CCDC171: variants seen among roughly 807,000 people sequenced by gnomAD.
CCDC171 encodes coiled-coil domain-containing protein 171.
Under a neutral mutation model 168.2 loss-of-function variants are expected in CCDC171, and 177 were observed. The ratio of observed to expected loss-of-function variants is 1.05; its 90% CI spans 0.93 to 1.19. The LOEUF (loss-of-function observed/expected upper bound fraction) is 1.19. Ranked by LOEUF, CCDC171 falls within the 50% of genes most tolerant of loss-of-function variation. The pLI, the probability that CCDC171 is intolerant of heterozygous loss-of-function variation, is 0.00. For missense variants in CCDC171, 1,991 were observed against 1,539.0 expected (o/e 1.29, Z -4.91); for synonymous variants, 687 against 540.8 (o/e 1.27, Z -3.75).
At chr9:15,805,386 A>G (rs1224633373) in intron 21 of CCDC171, among the ~76,000 whole-genome samples, 7 of 152,180 alleles carry the variant, frequency 4.6e-5, no homozygotes, top group Admixed American at 4.6e-4. Flanking sequence ...ATTTAGTGCC[A>G]TAAACTTCCC....
chr9:15,987,205 A>C (rs1223493346), intron 3 of CCDC171, among the ~76,000 whole-genome samples: 4 of 152,214 alleles, frequency 2.6e-5, no homozygotes. Context: ...GATGATGAAC[A>C]AAGTAGAGAA....
At chr9:15,823,775 A>T (rs907121060) in intron 21 of CCDC171, among the ~76,000 whole-genome samples, 1 of 152,112 alleles carries the variant, frequency 6.6e-6, no homozygotes, top group Non-Finnish European at 1.5e-5. Flanking sequence ...TTTGTATTTT[A>T]TATTGAAAAA....
At chr9:15,865,141 G>A (rs1447545191) in intron 23 of CCDC171, among the ~76,000 whole-genome samples, 1 of 151,920 alleles carries the variant, frequency 6.6e-6, no homozygotes, top group Non-Finnish European at 1.5e-5. Flanking sequence ...AAATGACACT[G>A]GAACAATATT....
chr9:16,082,060 G>C, the CCDC171 span, among the ~76,000 whole-genome samples: 1 of 152,072 alleles, frequency 6.6e-6, no homozygotes, highest in Admixed American at 6.5e-5. Context: ...ACCTGCTCTT[G>C]ATTTTGTAAA....
chr9:15,554,458 CTT>C (rs1270713635), intron 1 of CCDC171, among the ~76,000 whole-genome samples: 2 of 152,150 alleles, frequency 1.3e-5, no homozygotes, highest in Non-Finnish European at 2.9e-5. Context: ...AGGGCATAGT[CTT>C]AGTTTGTAGC....
intron 1 of CCDC171, among the ~76,000 whole-genome samples, chr9:16,059,386 G>T: frequency 6.6e-6 from 1 of 152,036 alleles, no homozygotes; most frequent in East Asian, 1.9e-4. Flanking sequence ...GAGAATATGC[G>T]TCCGGTGTCC....
At chr9:15,638,854 T>C (rs1484979791) in intron 7 of CCDC171, among the ~76,000 whole-genome samples, 4 of 151,964 alleles carry the variant, frequency 2.6e-5, no homozygotes, top group Non-Finnish European at 5.9e-5. Flanking sequence ...AAAAGAAATA[T>C]CCATGGCTTT....
In CCDC171 at chr9:15,578,976, C is replaced by T. The variant is rs746141615; in HGVS notation, c.305C>T (p.Ala102Val). ...RKEAGLGRRA[A>V]EERLAEAHRI... The stretch of plus-strand genomic sequence containing the variant: ...GAAGCTGGTCTTGGAAGACGGGCTG[C>T]TGAAGAAAGATTAGCCGAGGCACAT... The change falls in exon 4 of 26, where the codon GCT becomes GTT. Residue 102 changes from alanine (A) to valine (V), a missense_variant. Ala to Val is a moderately conservative substitution (Grantham distance 64). Transcript: ENST00000380701. The T allele has an allele frequency of 6.2e-7, 1 of 1,613,926 alleles. No homozygotes were observed. Among genetic ancestry groups the T allele is most frequent in the Admixed American group, 1.7e-5 (1 of 59,998 alleles).
At chr9:15,999,619 T>G (rs1224272199) in intron 3 of CCDC171, among the ~76,000 whole-genome samples, 1 of 152,202 alleles carries the variant, frequency 6.6e-6, no homozygotes, top group Non-Finnish European at 1.5e-5. Context: ...CCAGAAAGCA[T>G]CCAGCTGTTG....
intron 11 of CCDC171, among the ~76,000 whole-genome samples, chr9:15,712,280 G>T (rs1189046375): frequency 2.0e-5 from 3 of 152,198 alleles, no homozygotes; most frequent in Non-Finnish European, 4.4e-5. Flanking sequence ...CAATGACCCA[G>T]TCAGGCTGAT....
At chr9:15,650,379 C>G (rs901973157) in intron 7 of CCDC171, among the ~76,000 whole-genome samples, 14 of 151,838 alleles carry the variant, frequency 9.2e-5, no homozygotes, top group African/African-American at 3.1e-4. Context: ...GCATATGTAC[C>G]CTAGAACTTA....
At chr9:15,577,846 A>G (rs186666484) in intron 3 of CCDC171, among the ~76,000 whole-genome samples, 4 of 152,308 alleles carry the variant, frequency 2.6e-5, no homozygotes, top group Non-Finnish European at 2.9e-5. Flanking sequence ...GAGAGGGATA[A>G]CTGCTCAAGG....
intron 6 of CCDC171, among the ~76,000 whole-genome samples, chr9:15,594,730 G>A (rs2042219188): frequency 6.6e-6 from 1 of 152,104 alleles, no homozygotes; most frequent in South Asian, 2.1e-4. Context: ...ATTAATCTGG[G>A]AAAAGGCTGC....
intron 11 of CCDC171, among the ~76,000 whole-genome samples, chr9:15,703,710 A>G (rs1474459999): frequency 6.6e-6 from 1 of 152,214 alleles, no homozygotes; most frequent in Non-Finnish European, 1.5e-5. Flanking sequence ...CACTGCAGTT[A>G]ACATGGGATT....
chr9:16,019,636 C>T (rs1249908665), intron 3 of CCDC171, among the ~76,000 whole-genome samples: 1 of 152,106 alleles, frequency 6.6e-6, no homozygotes, highest in Admixed American at 6.5e-5. Flanking sequence ...TTTGGAAAGG[C>T]TACAGTCTAC....
At chr9:15,960,756 G>A (rs1830257986) in intron 25 of CCDC171, among the ~76,000 whole-genome samples, 2 of 152,134 alleles carry the variant, frequency 1.3e-5, no homozygotes, top group Non-Finnish European at 1.5e-5. Context: ...CACATGATTT[G>A]TCTTACATCT....
chr9:15,965,691 G>T (rs1254481910), intron 25 of CCDC171, among the ~76,000 whole-genome samples: 2 of 83,262 alleles, frequency 2.4e-5, no homozygotes, highest in Non-Finnish European at 4.9e-5. Flanking sequence ...AAAAAGAGAA[G>T]GGAAGATATG....
intron 3 of CCDC171, among the ~76,000 whole-genome samples, chr9:16,018,888 A>G (rs1833095893): frequency 6.6e-6 from 1 of 152,220 alleles, no homozygotes; most frequent in Admixed American, 6.5e-5. Flanking sequence ...CAGGCCCACC[A>G]ACATCCTTCT....
intron 8 of CCDC171, among the ~76,000 whole-genome samples, chr9:15,657,932 C>G (rs1455313914): frequency 6.6e-6 from 1 of 152,104 alleles, no homozygotes; most frequent in Non-Finnish European, 1.5e-5. Context: ...GCCCATGGGC[C>G]AAGTCTGACC....
Sources: gnomAD v4.1 joint callset for allele counts (sites outside exome capture counted in the v4.1 genomes callset) on GRCh38, gnomAD v4.1.1 for gene constraint, MANE v1.5 for transcripts, NCBI Gene and HGNC (gene_info 2026-07-23, HGNC 2026-07-21) for gene names.